Variants in CDH13 observed in about 807,000 individuals in gnomAD.
CDH13 encodes cadherin 13.
In CDH13, 24 loss-of-function variants were observed where a neutral mutation model predicts 63.8. The observed-to-expected ratio is 0.38, with a 90% CI of 0.27 to 0.53. The LOEUF (loss-of-function observed/expected upper bound fraction) is 0.53, where lower values mean the gene tolerates loss of function less well. CDH13 is among the 20% of genes least tolerant of loss of function. The pLI is 0.85. For missense variants in CDH13, 1,049 were observed against 903.1 expected (o/e 1.16, Z -2.07); for synonymous variants, 503 against 355.3 (o/e 1.42, Z -4.67).
At chr16:82,752,459 G>C (rs1307740421) in intron 1 of CDH13, among the ~76,000 whole-genome samples, 8 of 152,134 alleles carry the variant, frequency 5.3e-5, no homozygotes. Flanking sequence ...AAATGAATTA[G>C]TCCAGAGCCC....
chr16:82,839,846 G>A (rs1363674838), intron 1 of CDH13, among the ~76,000 whole-genome samples: 1 of 152,158 alleles, frequency 6.6e-6, no homozygotes, highest in African/African-American at 2.4e-5. Flanking sequence ...TTGTAGTACA[G>A]GAGAGGTATG....
At chr16:82,931,699 A>G (rs7499434) in intron 2 of CDH13, among the ~76,000 whole-genome samples, 45,386 of 152,010 alleles carry the variant, frequency 0.3, 7,268 homozygotes, top group East Asian at 0.55. Context: ...CATGACTTAC[A>G]TGGCAGCAGA....
At chr16:83,143,004 T>C (rs1404415621) in intron 4 of CDH13, among the ~76,000 whole-genome samples, 1 of 152,164 alleles carries the variant, frequency 6.6e-6, no homozygotes, top group Non-Finnish European at 1.5e-5. Context: ...TCAGGAAGGC[T>C]GAGGCAGGAA....
chr16:82,729,104 T>C (rs2033260280), intron 1 of CDH13, among the ~76,000 whole-genome samples: 1 of 152,158 alleles, frequency 6.6e-6, no homozygotes, highest in African/African-American at 2.4e-5. Context: ...TGCCGTTACT[T>C]CCTCTACTGA....
intron 2 of CDH13, among the ~76,000 whole-genome samples, chr16:82,879,632 CTAT>C (rs904321244): frequency 1.5e-5 from 2 of 136,610 alleles, no homozygotes; most frequent in African/African-American, 2.7e-5. Context: ...TATAAAATAT[CTAT>C]TATATGTTAC....
intron 6 of CDH13, among the ~76,000 whole-genome samples, chr16:83,378,494 A>C (rs1051954317): frequency 6.6e-6 from 1 of 152,148 alleles, no homozygotes; most frequent in East Asian, 1.9e-4. Context: ...CATATCTCCA[A>C]TAAAGGGGTC....
At chr16:82,911,094 G>A (rs1429474802) in intron 2 of CDH13, among the ~76,000 whole-genome samples, 3 of 152,200 alleles carry the variant, frequency 2.0e-5, no homozygotes, top group Non-Finnish European at 4.4e-5. Context: ...TCCCTAGATC[G>A]TAAGTTGATG....
intron 1 of CDH13, among the ~76,000 whole-genome samples, chr16:82,663,028 G>A (rs975610080): frequency 1.3e-4 from 20 of 152,264 alleles, no homozygotes; most frequent in Admixed American, 1.3e-3. Context: ...CTTCCTACAT[G>A]TAGCAGGCCA....
At chr16:83,327,090 G>C (rs1219420137) in intron 5 of CDH13, among the ~76,000 whole-genome samples, 1 of 152,184 alleles carries the variant, frequency 6.6e-6, no homozygotes, top group Non-Finnish European at 1.5e-5. Flanking sequence ...CATGACTTGT[G>C]TCATTTATAA....
chr16:82,853,398 T>C (rs1823491685), intron 1 of CDH13, among the ~76,000 whole-genome samples: 1 of 152,226 alleles, frequency 6.6e-6, no homozygotes, highest in Non-Finnish European at 1.5e-5. Context: ...TGGATTTAAA[T>C]ATAATACATA....
At chr16:82,639,223 A>C in intron 1 of CDH13, 1 of 495,992 alleles carries the variant, frequency 2.0e-6, no homozygotes, top group East Asian at 3.1e-5. Flanking sequence ...TGGGATGACT[A>C]CTTTTTTGAG....
intron 8 of CDH13, among the ~76,000 whole-genome samples, chr16:83,617,791 C>A (rs1206684494): frequency 6.6e-6 from 1 of 151,776 alleles, no homozygotes; most frequent in African/African-American, 2.4e-5. Context: ...ATGCACATAT[C>A]TTAATATGCA....
intron 3 of CDH13, among the ~76,000 whole-genome samples, chr16:83,065,095 A>G (rs982866686): frequency 1.3e-5 from 2 of 152,084 alleles, no homozygotes; most frequent in Admixed American, 6.6e-5. Flanking sequence ...AAGTGAGATC[A>G]TGTGGTATTT....
intron 8 of CDH13, among the ~76,000 whole-genome samples, chr16:83,616,662 G>C (rs1909308684): frequency 6.6e-6 from 1 of 152,142 alleles, no homozygotes; most frequent in South Asian, 2.1e-4. Context: ...ATAATGCAGT[G>C]TGCAGAATGA....
intron 3 of CDH13, among the ~76,000 whole-genome samples, chr16:83,050,245 T>C (rs1274217238): frequency 1.3e-5 from 2 of 152,062 alleles, no homozygotes; most frequent in Admixed American, 6.5e-5. Context: ...TACCTAGGAG[T>C]GGAATTGCTG....
intron 6 of CDH13, among the ~76,000 whole-genome samples, chr16:83,468,820 G>A (rs1243833687): frequency 2.0e-5 from 3 of 152,150 alleles, no homozygotes; most frequent in Admixed American, 6.5e-5. Context: ...TTCTTACATA[G>A]GTAAACGTGT....
intron 4 of CDH13, 61 bp downstream of exon 4, chr16:83,125,562 A>T (rs1363261978): frequency 2.4e-6 from 2 of 828,070 alleles, no homozygotes; most frequent in Non-Finnish European, 4.1e-6. Context: ...AGCACAGCAG[A>T]CTGAGTATGA....
chr16:83,472,823 C>T (rs937251665), intron 6 of CDH13, among the ~76,000 whole-genome samples: 2 of 152,190 alleles, frequency 1.3e-5, no homozygotes, highest in Non-Finnish European at 2.9e-5. Flanking sequence ...TACTGTGTGG[C>T]TGGCCCTGTT....
chr16:82,962,039 A>C (rs1358155457), intron 2 of CDH13, among the ~76,000 whole-genome samples: 3 of 152,222 alleles, frequency 2.0e-5, no homozygotes, highest in Non-Finnish European at 4.4e-5. Flanking sequence ...ATGCTATGAC[A>C]TGTGGCCCAC....
Sources: gnomAD v4.1 joint callset for allele counts (sites outside exome capture counted in the v4.1 genomes callset) on GRCh38, gnomAD v4.1.1 for gene constraint, MANE v1.5 for transcripts, NCBI Gene and HGNC (gene_info 2026-07-23, HGNC 2026-07-21) for gene names.